Variants in PSD3 observed in about 807,000 individuals in gnomAD.
The protein encoded by PSD3 is PH and SEC7 domain-containing protein 3.
In PSD3, 49 loss-of-function variants were observed where a neutral mutation model predicts 105.5. The observed-to-expected ratio is 0.46, with a 90% CI of 0.37 to 0.59. PSD3 has a LOEUF of 0.59. Ranked by LOEUF, PSD3 falls within the 20% of genes least tolerant of loss-of-function variation. PSD3 has a pLI of 0.00. For synonymous variants in PSD3, 557 were observed against 457.8 expected (o/e 1.22, Z -2.77); for missense variants, 1,561 against 1,263.8 (o/e 1.24, Z -3.57).
At chr8:19,043,509 G>T (rs1043709674) in intron 1 of PSD3, among the ~76,000 whole-genome samples, 1 of 152,152 alleles carries the variant, frequency 6.6e-6, no homozygotes, top group African/African-American at 2.4e-5. Flanking sequence ...GTTTAGAGTT[G>T]TTGGGGGAAA....
Position 18,687,805 on chromosome 8 carries a change from C to T in PSD3, c.2173-32120G>A, listed in dbSNP as rs544724327. On this transcript the variant is annotated intron_variant, in intron 9 of 15. Transcript: ENST00000327040. ...TTTTTAAGATGGAGTCTTGCTCCAT[C>T]GCCCAGGCTGGAGTACAGTGGCATG... Among the ~76,000 whole-genome samples, 8 of 152,200 alleles carry T rather than the reference C, an allele frequency of 5.3e-5. No individual in the cohort carries two copies. In the South Asian group the frequency reaches 8.3e-4, roughly 16 times the overall value.
chr8:18,984,948 TG>T (rs1049401758), intron 1 of PSD3, among the ~76,000 whole-genome samples: 1 of 152,080 alleles, frequency 6.6e-6, no homozygotes, highest in East Asian at 1.9e-4. Flanking sequence ...GTTTTGGCGG[TG>T]GGGGGACAGA....
chr8:18,596,292 A>G (rs963835474), intron 12 of PSD3, among the ~76,000 whole-genome samples: 1 of 152,110 alleles, frequency 6.6e-6, no homozygotes, highest in Non-Finnish European at 1.5e-5. Flanking sequence ...AACACTTAAC[A>G]TTAGAAAAGA....
chr8:18,903,956 C>G (rs1285241673), intron 2 of PSD3, among the ~76,000 whole-genome samples: 1 of 150,892 alleles, frequency 6.6e-6, no homozygotes, highest in Non-Finnish European at 1.5e-5. Flanking sequence ...TGATGTGGCT[C>G]TACTTCTGCC....
intron 15 of PSD3, among the ~76,000 whole-genome samples, chr8:18,539,562 T>C (rs1800036524): frequency 6.6e-6 from 1 of 151,050 alleles, no homozygotes; most frequent in African/African-American, 2.4e-5. Context: ...TTTTTTTTTT[T>C]TTTTGAGACG....
chr8:19,010,053 A>T (rs1826880908), intron 1 of PSD3, among the ~76,000 whole-genome samples: 2 of 152,208 alleles, frequency 1.3e-5, no homozygotes, highest in South Asian at 2.1e-4. Context: ...ATAATCTTTT[A>T]AAAATATCCT....
intron 9 of PSD3, among the ~76,000 whole-genome samples, chr8:18,666,429 C>A (rs1799458728): frequency 6.6e-6 from 1 of 152,192 alleles, no homozygotes; most frequent in South Asian, 2.1e-4. Flanking sequence ...TGTTTTATTG[C>A]TGTGGTCTAG....
At chr8:18,960,263 T>C (rs567198767) in intron 1 of PSD3, among the ~76,000 whole-genome samples, 1 of 152,332 alleles carries the variant, frequency 6.6e-6, no homozygotes, top group Admixed American at 6.5e-5. Context: ...ATGCAGAGTG[T>C]GGTCTTTAAT....
chr8:18,655,254 G>A (rs13277053), intron 10 of PSD3, among the ~76,000 whole-genome samples: 38,095 of 150,048 alleles, frequency 0.25, 5,095 homozygotes, highest in South Asian at 0.43. Context: ...GCGTGAACCC[G>A]GGAGGCGGAG....
chr8:18,797,911 A>C (rs1810329069), intron 8 of PSD3, among the ~76,000 whole-genome samples: 1 of 152,146 alleles, frequency 6.6e-6, no homozygotes, highest in Non-Finnish European at 1.5e-5. Flanking sequence ...ACTTGATTCA[A>C]TGTTATATGT....
chr8:18,988,891 G>A (rs17384769), intron 1 of PSD3, among the ~76,000 whole-genome samples: 16,678 of 152,204 alleles, frequency 0.11, 1,107 homozygotes, highest in Non-Finnish European at 0.16. Context: ...TGTTTGTCCG[G>A]GAATGTAAGC....
intron 1 of PSD3, among the ~76,000 whole-genome samples, chr8:19,010,838 C>T (rs779579739): frequency 4.0e-5 from 6 of 151,882 alleles, no homozygotes; most frequent in Non-Finnish European, 5.9e-5. Context: ...AACTGAGAGG[C>T]AATATTCAAA....
intron 2 of PSD3, among the ~76,000 whole-genome samples, chr8:18,913,086 AACACACACACACACAC>A (rs72253853): frequency 4.6e-5 from 6 of 130,540 alleles, no homozygotes; most frequent in East Asian, 4.6e-4. Flanking sequence ...CACACACACA[AACACACACACACACAC>A]ACACACACAC....
At chr8:18,827,250 G>A (rs762231735) in intron 4 of PSD3, among the ~76,000 whole-genome samples, 22 of 152,168 alleles carry the variant, frequency 1.4e-4, no homozygotes, top group Non-Finnish European at 2.8e-4. Context: ...AATGGGAAAA[G>A]GTTACACCAC....
chr8:18,632,702 A>C lies in PSD3; in HGVS notation c.2321T>G (p.Phe774Cys), dbSNP rs758750264. 1 of 1,612,554 alleles carries C rather than the reference A, an allele frequency of 6.2e-7. No homozygotes were observed. The highest frequency in any genetic ancestry group is 1.1e-5 in the South Asian group (1 of 91,040). Reference sequence around the variant, plus strand: ...ATTTGGATCATGAGGAATGTCCAAAAATGGGTTAGTAGTACTTCCAATACG... The same window carrying C: ...ATTTGGATCATGAGGAATGTCCAAACATGGGTTAGTAGTACTTCCAATACG... ...ISRIGSTTNP[F>C]LDIPHDPNAA... Residue 774 changes from phenylalanine (F) to cysteine (C), a missense_variant, in exon 11 of 16, where the codon TTT becomes TGT. Phe to Cys is a radical substitution (Grantham distance 205, BLOSUM62 -2). Coordinates refer to ENST00000327040, the MANE Select transcript of PSD3 (RefSeq NM_015310.4).
At chr8:19,084,723 G>A (rs569412129) in exon 1 of PSD3, 208 of 309,048 alleles carry the variant, frequency 6.7e-4, no homozygotes, top group African/African-American at 4.3e-3. Flanking sequence ...TGATTCCTCC[G>A]TCTCAGGGCC....
At chr8:18,636,549 G>A (rs147792599) in intron 10 of PSD3, among the ~76,000 whole-genome samples, 73 of 152,194 alleles carry the variant, frequency 4.8e-4, no homozygotes, top group African/African-American at 1.5e-3. Context: ...TAGTAATGTC[G>A]TAGGCTTTCA....
chr8:18,903,467 T>C (rs1037404667), intron 2 of PSD3, among the ~76,000 whole-genome samples: 4 of 152,064 alleles, frequency 2.6e-5, no homozygotes, highest in East Asian at 1.9e-4. Context: ...ACATTGATGA[T>C]TCCATTCCTC....
At chr8:18,633,043 C>G (rs1252989074) in intron 10 of PSD3, among the ~76,000 whole-genome samples, 3 of 151,874 alleles carry the variant, frequency 2.0e-5, no homozygotes, top group Non-Finnish European at 2.9e-5. Flanking sequence ...AGGAAATAGA[C>G]TCAGTGAGTT....
Sources: allele counts gnomAD v4.1 joint callset (sites outside exome capture counted in the v4.1 genomes callset), GRCh38; gene constraint gnomAD v4.1.1; transcripts MANE v1.5; gene names NCBI Gene and HGNC (gene_info 2026-07-23, HGNC 2026-07-21).